Variants in SCARA3 observed in about 807,000 individuals in gnomAD.
The protein encoded by SCARA3 is scavenger receptor class A member 3.
Under a neutral mutation model 47.0 loss-of-function variants are expected in SCARA3, and 39 were observed. That is an observed-to-expected ratio of 0.83 (90% CI 0.64 to 1.08). The LOEUF (loss-of-function observed/expected upper bound fraction) is 1.08, where lower values mean the gene tolerates loss of function less well. Among genes scored for constraint, SCARA3 ranks in the 50% least tolerant of loss-of-function variants. The pLI is 0.00. For synonymous variants in SCARA3, 356 were observed against 334.1 expected, an observed-to-expected ratio of 1.07 and a Z score of -0.71; for missense variants, 724 against 792.3, an observed-to-expected ratio of 0.91 and a Z score of 1.04.
chr8:27,719,473 C>T, the SCARA3 span, among the ~76,000 whole-genome samples: 1 of 151,050 alleles, frequency 6.6e-6, no homozygotes, highest in Non-Finnish European at 1.5e-5. Context: ...GTACAACAAA[C>T]TTCTATGACA....
chr8:27,706,529 T>C, the SCARA3 span, among the ~76,000 whole-genome samples: 4 of 152,068 alleles, frequency 2.6e-5, no homozygotes, highest in African/African-American at 4.8e-5. Context: ...ATGATCAGAT[T>C]TCTGTGGCTA....
chr8:27,662,018 G>A (rs1478525155), intron 5 of SCARA3, among the ~76,000 whole-genome samples: 1 of 152,182 alleles, frequency 6.6e-6, no homozygotes, highest in Admixed American at 6.5e-5. Flanking sequence ...AGAGGCATAA[G>A]GAGCTCAAAG....
chr8:27,683,582 A>T, the SCARA3 span, among the ~76,000 whole-genome samples: 1 of 152,094 alleles, frequency 6.6e-6, no homozygotes, highest in African/African-American at 2.4e-5. Flanking sequence ...TCTTTGGAAA[A>T]CTGTTTGGCT....
rs200949728 is a variant in SCARA3, at chr8:27,671,221, C to T, written c.1691C>T (p.Pro564Leu). Residue 564 changes from proline (P) to leucine (L), a missense_variant, in exon 6 of 6, where the codon CCG (proline) becomes CTG (leucine). Coordinates refer to ENST00000301904, the MANE Select transcript of SCARA3 (RefSeq NM_016240.3). ...SPGPSGPQGK[P>L]GIAGKTGSPG... ...GGGCCCTCAGGGCCTCAGGGAAAACCGGGAATTGCAGGGAAGACAGGGTCA... is the reference window on the plus strand; with the variant it reads ...GGGCCCTCAGGGCCTCAGGGAAAACTGGGAATTGCAGGGAAGACAGGGTCA... 120 of 1,506,760 alleles carry T rather than the reference C, an allele frequency of 8.0e-5. No homozygotes were observed. Among genetic ancestry groups the T allele is most frequent in the South Asian group, 1.4e-4 (11 of 77,174 alleles). The allele number at this position is 1,506,760 out of a possible 1,614,324, so 93.3% of individuals were successfully genotyped here.
chr8:27,671,042 C>T lies in SCARA3; in HGVS notation c.1512C>T (p.Ala504=), dbSNP rs373354461. ...PQGPQGQPGE[A]GPVGERGPVG... is the part of the protein sequence containing the mutation. ...GTCCTCAGGGGCAACCTGGAGAGGC[C>T]GGGCCTGTGGGAGAAAGGGGCCCTG... is the stretch of plus-strand genomic sequence containing the variant. The change falls in exon 6 of 6, where the codon GCC becomes GCT. Residue 504 remains alanine (A), a synonymous_variant. Coordinates refer to ENST00000301904, the MANE Select transcript of SCARA3 (RefSeq NM_016240.3). 1.1e-4 allele frequency: 185 copies of T among 1,612,370 alleles called. 1 individual carries two copies. In the African/African-American group the frequency reaches 2.0e-3, roughly 18 times the overall value.
rs368418501 is a variant in SCARA3 at position 27,658,534 on chromosome 8, G to T, written c.364G>T (p.Ala122Ser). Residue 122 changes from alanine to serine, a missense_variant, in exon 5 of 6, where the codon GCT (alanine) becomes TCT (serine). Ala to Ser is a moderately conservative substitution (Grantham distance 99). Transcript: ENST00000301904. Reference sequence around the variant, plus strand: ...GAACAACTGCTCTTTCTGCCATGAAGCTGGGCAGCTGGGGCCAGAGATCCG... The same window carrying T: ...GAACAACTGCTCTTTCTGCCATGAATCTGGGCAGCTGGGGCCAGAGATCCG... ...ALNNCSFCHE[A>S]GQLGPEIRKL... is the part of the protein sequence containing the mutation. 1 of 1,613,032 alleles carries T rather than the reference G, an allele frequency of 6.2e-7. No individual in the cohort carries two copies. The highest frequency in any genetic ancestry group is 8.5e-7 in the Non-Finnish European group (1 of 1,179,542).
chr8:27,694,634 G>A, the SCARA3 span, among the ~76,000 whole-genome samples: 1 of 152,128 alleles, frequency 6.6e-6, no homozygotes, highest in African/African-American at 2.4e-5. Context: ...CAGAATTAGG[G>A]GAGTGTATGG....
At chr8:27,660,312 T>G (rs1240370545) in intron 5 of SCARA3, among the ~76,000 whole-genome samples, 3 of 151,506 alleles carry the variant, frequency 2.0e-5, no homozygotes, top group African/African-American at 7.3e-5. Flanking sequence ...TATAGAGAGA[T>G]AGACCCAGAG....
intron 1 of SCARA3, among the ~76,000 whole-genome samples, chr8:27,639,929 A>C (rs1028274560): frequency 6.6e-6 from 1 of 152,058 alleles, no homozygotes; most frequent in Admixed American, 6.5e-5. Flanking sequence ...AGAGGGGCTG[A>C]GTGGATCAGA....
chr8:27,658,755 G>A lies in SCARA3; in HGVS notation c.585G>A (p.Trp195Ter). ...TCTTCCTGGCCCAGGTGAGAGGCTG[G>A]CAGGCCACCACAGCTGGCCTGGACC... Reference protein sequence around the residue: ...LGLFLAQVRGWQATTAGLDLS... With the variant: ...LGLFLAQVRG Residue 195 changes from tryptophan (W) to a stop codon, truncating the protein, a stop_gained, in exon 5 of 6, where the codon TGG becomes TGA. Coordinates refer to ENST00000301904, the MANE Select transcript of SCARA3 (RefSeq NM_016240.3). LOFTEE classifies it high-confidence loss of function. The A allele has an allele frequency of 6.2e-7, 1 of 1,614,068 alleles. No individual in the cohort carries two copies. Among genetic ancestry groups the A allele is most frequent in the Non-Finnish European group, 8.5e-7 (1 of 1,179,962 alleles).
intron 5 of SCARA3, among the ~76,000 whole-genome samples, chr8:27,669,305 G>A (rs572071215): frequency 2.0e-5 from 3 of 152,354 alleles, no homozygotes; most frequent in East Asian, 3.9e-4. Flanking sequence ...CAACAGCTTC[G>A]TGGGGCGTCT....
rs541861653 is a variant in SCARA3, at chr8:27,668,467, G to A, written c.1370-2433G>A. Among the ~76,000 whole-genome samples, 139 of 147,804 alleles carry A rather than the reference G, an allele frequency of 9.4e-4. 1 individual carries two copies. Among genetic ancestry groups the A allele is most frequent in the African/African-American group, 3.1e-3 (124 of 39,638 alleles). ...AGGCAGGAGAATGGCGTGAACCCGG[G>A]AAGCGGAGCTTGCAGTGAGCCGAGA... On this transcript the variant is annotated intron_variant, in intron 5 of 5. Transcript: ENST00000301904.
chr8:27,680,671 C>A (rs935992486), downstream of SCARA3, among the ~76,000 whole-genome samples: 1 of 151,928 alleles, frequency 6.6e-6, no homozygotes, highest in African/African-American at 2.4e-5. Flanking sequence ...AGTAGGAAAC[C>A]AGTAAGGTAC....
chr8:27,694,400 C>T, the SCARA3 span, among the ~76,000 whole-genome samples: 69,504 of 150,250 alleles, frequency 0.46, 15,973 homozygotes, highest in Middle Eastern at 0.58. Flanking sequence ...CAGGAACACC[C>T]GCCATGTGCT....
the SCARA3 span, among the ~76,000 whole-genome samples, chr8:27,715,879 T>A: frequency 2.0e-5 from 3 of 151,604 alleles, no homozygotes; most frequent in East Asian, 1.9e-4. This position sits in a 1 kb window ranked among gnomAD's most constrained non-coding sequence, Gnocchi z 4.2. Flanking sequence ...GATAGATAGA[T>A]AGAAAGAAAC....
chr8:27,684,044 G>A, the SCARA3 span, among the ~76,000 whole-genome samples: 7 of 152,318 alleles, frequency 4.6e-5, no homozygotes, highest in South Asian at 4.1e-4. Flanking sequence ...CTCACGTTGT[G>A]CAGGGAAGAG....
chr8:27,676,183 C>T (rs1038780002), downstream of SCARA3, among the ~76,000 whole-genome samples: 2 of 152,162 alleles, frequency 1.3e-5, no homozygotes, highest in African/African-American at 4.8e-5. Context: ...AGAAAGGTGG[C>T]ATTGGAAATT....
intron 1 of SCARA3, among the ~76,000 whole-genome samples, chr8:27,647,761 G>C (rs1801537812): frequency 6.6e-6 from 1 of 152,204 alleles, no homozygotes; most frequent in African/African-American, 2.4e-5. Context: ...TTTAAGCCAT[G>C]CGTGAAGGCC....
rs61731554 is a variant in SCARA3 at position 27,659,439 on chromosome 8, G to A, written c.1269G>A (p.Arg423=). 540 of 1,613,792 alleles carry A rather than the reference G, an allele frequency of 3.3e-4. No individual in the cohort carries two copies. The African/African-American group carries it at 6.5e-3, about 19-fold the overall frequency. Reference sequence around the variant, plus strand: ...AGCGCTTCAGCCTGCTCAGTGCCCGGCTGGACCTCAACGTCCGGAACCTCT... The same window carrying A: ...AGCGCTTCAGCCTGCTCAGTGCCCGACTGGACCTCAACGTCCGGAACCTCT... ...LRERFSLLSA[R]LDLNVRNLSM... The change falls in exon 5 of 6, where the codon CGG becomes CGA. Residue 423 remains arginine, a synonymous_variant. Coordinates refer to ENST00000301904, the MANE Select transcript of SCARA3 (RefSeq NM_016240.3).
Sources: gnomAD v4.1 joint callset for allele counts (sites outside exome capture counted in the v4.1 genomes callset) on GRCh38, gnomAD v4.1.1 for gene constraint, Gnocchi (gnomAD v3.1) non-coding constraint, MANE v1.5 for transcripts, NCBI Gene and HGNC (gene_info 2026-07-23, HGNC 2026-07-21) for gene names.